The following SMARCC1 variants were observed in gnomAD, a reference collection of about 807,000 sequenced individuals.
SMARCC1 encodes SWI/SNF related BAF chromatin remodeling complex subunit C1.
Under a neutral mutation model 147.4 loss-of-function variants are expected in SMARCC1, and 43 were observed. That is an observed-to-expected ratio of 0.29 (90% CI 0.23 to 0.38). SMARCC1 has a LOEUF of 0.38. Among genes scored for constraint, SMARCC1 ranks in the 10% least tolerant of loss-of-function variants. The pLI is 1.00. For missense variants in SMARCC1, 1,119 were observed against 1,381.1 expected, an observed-to-expected ratio of 0.81 and a Z score of 3.01; for synonymous variants, 495 against 484.4, an observed-to-expected ratio of 1.02 and a Z score of -0.29.
At chr3:47,589,208 G>A (rs2108222239) in intron 27 of SMARCC1, among the ~76,000 whole-genome samples, 1 of 152,332 alleles carries the variant, frequency 6.6e-6, no homozygotes, top group South Asian at 2.1e-4. Flanking sequence ...AACTCATCCA[G>A]TGTGGCCTAC....
intron 22 of SMARCC1, among the ~76,000 whole-genome samples, chr3:47,637,025 C>A (rs891631450): frequency 6.6e-6 from 1 of 152,100 alleles, no homozygotes; most frequent in African/African-American, 2.4e-5. Flanking sequence ...AAAACCGCAA[C>A]TGACTATCAC....
chr3:47,661,216 T>G, intron 21 of SMARCC1, 78 bp downstream of exon 21: 1 of 1,293,276 alleles, frequency 7.7e-7, no homozygotes, highest in Non-Finnish European at 1.1e-6. Flanking sequence ...TTAGTGCAAG[T>G]AAACCCAATT....
chr3:47,589,642 C>G (rs1020511337), intron 27 of SMARCC1, among the ~76,000 whole-genome samples: 4 of 152,162 alleles, frequency 2.6e-5, no homozygotes, highest in Non-Finnish European at 5.9e-5. Flanking sequence ...CTTCTGTGCA[C>G]CTACTTTGTC....
At chr3:47,762,013 TTCAGGTAATCCGCCCGCC>T (rs1239240934) in intron 2 of SMARCC1, among the ~76,000 whole-genome samples, 3 of 152,088 alleles carry the variant, frequency 2.0e-5, no homozygotes, top group Non-Finnish European at 2.9e-5. Flanking sequence ...AACTCCTGAT[TTCAGGTAATCCGCCCGCC>T]TCAGCCTCCC....
At chr3:47,751,378 C>G (rs1240503612) in intron 2 of SMARCC1, among the ~76,000 whole-genome samples, 2 of 151,280 alleles carry the variant, frequency 1.3e-5, no homozygotes, top group Non-Finnish European at 2.9e-5. Flanking sequence ...CTGTCTCTAC[C>G]AAAAATACAA....
chr3:47,623,902 T>C (rs2032770315), intron 24 of SMARCC1, among the ~76,000 whole-genome samples: 1 of 149,128 alleles, frequency 6.7e-6, no homozygotes, highest in African/African-American at 2.5e-5. Flanking sequence ...TTTTTTGAGA[T>C]TTATGCAGGA....
At chr3:47,764,173 A>T (rs977953096) in intron 2 of SMARCC1, among the ~76,000 whole-genome samples, 13 of 152,110 alleles carry the variant, frequency 8.5e-5, no homozygotes, top group African/African-American at 2.9e-4. Context: ...AGTAGTTGGG[A>T]CCACAATCAC....
At position 47,706,456 on chromosome 3, in the gene SMARCC1, A is replaced by G; in HGVS notation, c.993T>C (p.Pro331=). ...NARKRKHSPS[P]PPPTPTESRK... ...GTGATTCTGTTGGTGTCGGAGGGGGAGGCGAAGGCGAATGTTTCCTCTTTC... is the reference window on the plus strand; with the variant it reads ...GTGATTCTGTTGGTGTCGGAGGGGGGGGCGAAGGCGAATGTTTCCTCTTTC... Residue 331 remains proline (P), a synonymous_variant, in exon 10 of 28, where the codon CCT becomes CCC. Coordinates refer to ENST00000254480, the MANE Select transcript of SMARCC1 (RefSeq NM_003074.4). 6 of 1,575,344 alleles carry G rather than the reference A, an allele frequency of 3.8e-6. No homozygotes were observed. Among genetic ancestry groups the G allele is most frequent in the East Asian group, 2.4e-5 (1 of 41,386 alleles).
rs1180095627 is a variant in SMARCC1 at position 47,661,345 on chromosome 3, G to C, written c.2269C>G (p.Leu757Val). 1.2e-6 allele frequency: 2 copies of C among 1,613,708 alleles called. No individual in the cohort carries two copies. Among genetic ancestry groups the C allele is most frequent in the African/African-American group, 1.3e-5 (1 of 74,894 alleles). ...GTGCCTGCAATGCAGCTGCTCTCCA[G>C]ACCGTAGGTGGGATCCACTTTCCCA... The part of the protein sequence containing the change: ...ASGKVDPTYG[L>V]ESSCIAGTGP... The change falls in exon 21 of 28, where the codon CTG (leucine) becomes GTG (valine). Residue 757 changes from leucine to valine, a missense_variant. By Grantham distance (32) the Leu-to-Val change is conservative. This residue lies in a region of SMARCC1 where 157 missense variants were observed against 158.6 expected (regional missense o/e 0.99). Transcript: ENST00000254480.
At chr3:47,725,865 G>A (rs1027470764) in intron 6 of SMARCC1, among the ~76,000 whole-genome samples, 8 of 147,462 alleles carry the variant, frequency 5.4e-5, no homozygotes, top group East Asian at 2.2e-4. Context: ...AGTTCAAGAC[G>A]AGCCTGGCCA....
chr3:47,732,478 T>G (rs1236330279), intron 5 of SMARCC1, among the ~76,000 whole-genome samples: 1 of 152,238 alleles, frequency 6.6e-6, no homozygotes, highest in Non-Finnish European at 1.5e-5. Context: ...AGCCAAGTTC[T>G]CAGCTTATCT....
intron 10 of SMARCC1, among the ~76,000 whole-genome samples, chr3:47,703,198 T>C (rs1293597064): frequency 6.6e-6 from 1 of 152,162 alleles, no homozygotes; most frequent in African/African-American, 2.4e-5. Flanking sequence ...CCTCCCAAAG[T>C]GCTAGGATTA....
intron 25 of SMARCC1, 141 bp from the exon 26 acceptor site, chr3:47,610,468 A>G (rs2032549412): frequency 1.2e-6 from 1 of 821,114 alleles, no homozygotes; most frequent in Non-Finnish European, 2.0e-6. Context: ...CACCTTCTAC[A>G]GTGAGAACAA....
At chr3:47,698,984 G>T (rs994955561) in intron 11 of SMARCC1, among the ~76,000 whole-genome samples, 1 of 152,026 alleles carries the variant, frequency 6.6e-6, no homozygotes, top group African/African-American at 2.4e-5. Context: ...TACCTATGTG[G>T]GGAATAAAAT....
chr3:47,765,267 C>CA lies in SMARCC1; in HGVS notation c.315+7549dup, dbSNP rs1260273583. ...ACTCTGTCTCAAAAACAAAAACATA[C>CA]AAAAAAAAAAACGGCAAGGAAAAGA... On this transcript the variant is annotated intron_variant, in intron 2 of 27. Transcript: ENST00000254480. Among the ~76,000 whole-genome samples, 1,029 of 131,372 alleles carry CA rather than the reference C, an allele frequency of 7.8e-3. 10 individuals are homozygous for CA. Among genetic ancestry groups the CA allele is most frequent in the Middle Eastern group, 0.045 (12 of 266 alleles). 86.2% of individuals were successfully genotyped at this position (131,372 alleles called of 152,430 possible).
intron 26 of SMARCC1, among the ~76,000 whole-genome samples, chr3:47,606,532 C>T (rs186055375): frequency 4.6e-5 from 7 of 152,286 alleles, no homozygotes; most frequent in African/African-American, 1.7e-4. Context: ...ACGCACCTCT[C>T]TGCCCATCTT....
chr3:47,680,855 C>G (rs959704767), intron 14 of SMARCC1, among the ~76,000 whole-genome samples: 2 of 151,852 alleles, frequency 1.3e-5, no homozygotes, highest in Non-Finnish European at 2.9e-5. Flanking sequence ...CCGGAGTGTT[C>G]TTTTTAAAAG....
intron 24 of SMARCC1, among the ~76,000 whole-genome samples, chr3:47,631,208 T>C (rs931661819): frequency 6.6e-6 from 1 of 152,204 alleles, no homozygotes; most frequent in African/African-American, 2.4e-5. Flanking sequence ...CATCAAGTTA[T>C]GAGACATTTC....
chr3:47,668,868 G>A (rs1262739313), intron 19 of SMARCC1, among the ~76,000 whole-genome samples: 1 of 150,908 alleles, frequency 6.6e-6, no homozygotes, highest in African/African-American at 2.4e-5. Context: ...ATGGGGGAAG[G>A]GAGAAAAACC....
Sources: allele counts gnomAD v4.1 joint callset (sites outside exome capture counted in the v4.1 genomes callset), GRCh38; gene constraint gnomAD v4.1.1; regional missense constraint gnomAD v4.1.1; transcripts MANE v1.5; gene names NCBI Gene and HGNC (gene_info 2026-07-23, HGNC 2026-07-21).